Variants in SENP8 observed in about 807,000 individuals in gnomAD.
SENP8 encodes the protein sentrin-specific protease 8.
In SENP8, 10 loss-of-function variants were observed where a neutral mutation model predicts 14.4. The observed-to-expected ratio is 0.69, with a 90% confidence interval of 0.43 to 1.18. SENP8 has a LOEUF of 1.18. Ranked by LOEUF, SENP8 falls within the 50% of genes most tolerant of loss-of-function variation. The pLI, the probability that SENP8 is intolerant of heterozygous loss-of-function variation, is 0.00. For missense variants in SENP8, 202 were observed against 249.4 expected (o/e 0.81, Z 1.28); for synonymous variants, 94 against 95.5 (o/e 0.98, Z 0.09).
upstream of SENP8, chr15:72,117,988 C>T: frequency 2.5e-6 from 1 of 399,250 alleles, no homozygotes; most frequent in Non-Finnish European, 4.4e-6. Flanking sequence ...GCAACTACTG[C>T]CTCCGCCGCC....
chr15:72,133,115 G>A (rs1171115912), intron 1 of SENP8, among the ~76,000 whole-genome samples: 1 of 152,224 alleles, frequency 6.6e-6, no homozygotes, highest in Admixed American at 6.5e-5. Flanking sequence ...AGGTTGCAGT[G>A]AGCCAAGATT....
At position 72,139,988 on chromosome 15, in the gene SENP8, G is replaced by A. The variant is rs2081365411; in HGVS notation, c.365G>A (p.Ser122Asn). ...AGCTTTTTTCATTATGATTCCCATAGCAGGAGCAACTCAGTTCACGCAAAG... is the reference window on the plus strand; with the variant it reads ...AGCTTTTTTCATTATGATTCCCATAACAGGAGCAACTCAGTTCACGCAAAG... Reference protein sequence around the residue: ...KNSFFHYDSHSRSNSVHAKQV... With the variant: ...KNSFFHYDSHNRSNSVHAKQV... The change falls in exon 2 of 2, where the codon AGC (serine) becomes AAC (asparagine). Residue 122 changes from serine to asparagine, a missense_variant. Transcript: ENST00000340912. The A allele has an allele frequency of 6.2e-7, 1 of 1,614,086 alleles. No homozygotes were observed. Among genetic ancestry groups the A allele is most frequent in the Admixed American group, 1.7e-5 (1 of 60,002 alleles).
rs576496400 is a variant in SENP8 at position 72,134,792 on chromosome 15, G to A, written c.-47-4785G>A. 50 of 272,852 alleles carry A rather than the reference G, an allele frequency of 1.8e-4. 1 individual carries two copies. The Middle Eastern group carries it at 5.0e-3, about 27-fold the overall frequency. The allele number at this position is 272,852 out of a possible 1,614,324, so 16.9% of individuals were successfully genotyped here. On this transcript the variant is annotated intron_variant, in intron 1 of 1. Transcript: ENST00000340912. ...AAGGAAATGGATACTGTTCAAAAAG[G>A]AATGTCCCAGAAGTGTTACCATGGC...
intron 1 of SENP8, among the ~76,000 whole-genome samples, chr15:72,138,349 C>CT (rs370827895): frequency 0.2 from 27,585 of 135,612 alleles, 3,050 homozygotes; most frequent in East Asian, 0.41. Context: ...CTAGGTATAA[C>CT]TTTTTTTTTT....
Position 72,142,145 on chromosome 15 carries a change from A to AAAAT in SENP8, c.*1885_*1888dup, listed in dbSNP as rs965641810. On this transcript the variant is annotated 3_prime_UTR_variant, in exon 2 of 2. Coordinates refer to ENST00000340912, the MANE Select transcript of SENP8 (RefSeq NM_145204.4). Reference sequence around the variant, plus strand: ...CACTAGTCTTTTAAATATATATAGAAAAATATATATACACACGTATAGACA... The same window carrying AAAAT: ...CACTAGTCTTTTAAATATATATAGAAAAATAAATATATATACACACGTATAGACA... The AAAAT allele has an allele frequency of 1.3e-4, 20 of 152,278 alleles. No homozygotes were observed. Among genetic ancestry groups the AAAAT allele is most frequent in the Non-Finnish European group, 2.8e-4 (19 of 68,022 alleles). 9.4% of individuals were successfully genotyped at this position (152,278 alleles called of 1,614,324 possible).
intron 1 of SENP8, among the ~76,000 whole-genome samples, chr15:72,129,850 GAAA>G (rs952337176): frequency 1.4e-5 from 2 of 147,744 alleles, no homozygotes; most frequent in South Asian, 4.4e-4. Flanking sequence ...TAAAAAAAAA[GAAA>G]AAAAAAATCC....
rs1486675516 is a variant in SENP8, at chr15:72,139,979, AT to A, written c.358del (p.Ser120ProfsTer13). ...LQDKNSFFHY[D>X]SHSRSNSVHA... ...GATAAAAATAGCTTTTTTCATTATG[AT>A]TCCCATAGCAGGAGCAACTCAGTTC... On this transcript the variant is annotated frameshift_variant, in exon 2 of 2. Transcript: ENST00000340912. LOFTEE classifies it high-confidence loss of function. 1 of 1,614,214 alleles carries A rather than the reference AT, an allele frequency of 6.2e-7. No homozygotes were observed. Among genetic ancestry groups the A allele is most frequent in the Non-Finnish European group, 8.5e-7 (1 of 1,180,028 alleles).
In SENP8 at chr15:72,140,434, A is replaced by G. The variant is rs2081370919; in HGVS notation, c.*172A>G. On this transcript the variant is annotated 3_prime_UTR_variant, in exon 2 of 2. Transcript: ENST00000340912. The stretch of plus-strand genomic sequence containing the variant: ...TTATCCCCATGGAACGTTTCACTTT[A>G]ACCCTGACTGGGGAGCAATATGTTC... The G allele has an allele frequency of 1.6e-6, 1 of 607,184 alleles. No individual in the cohort carries two copies. Among genetic ancestry groups the G allele is most frequent in the South Asian group, 2.2e-5 (1 of 46,084 alleles). The allele number at this position is 607,184 out of a possible 1,614,324, so 37.6% of individuals were successfully genotyped here. A position where few individuals can be genotyped will look rare whatever the true frequency, so the allele number is the denominator to read the frequency against.
At chr15:72,134,089 C>T (rs2081303445) in intron 1 of SENP8, among the ~76,000 whole-genome samples, 1 of 152,270 alleles carries the variant, frequency 6.6e-6, no homozygotes. Context: ...GCTGGGACTA[C>T]AGGCACCCAC....
chr15:72,136,415 A>G (rs2081327879), intron 1 of SENP8, among the ~76,000 whole-genome samples: 1 of 152,160 alleles, frequency 6.6e-6, no homozygotes, highest in Non-Finnish European at 1.5e-5. Flanking sequence ...TCTTGGCTCC[A>G]GTTTATGTCT....
At chr15:72,121,632 C>T (rs1251214723) in intron 1 of SENP8, among the ~76,000 whole-genome samples, 1 of 151,976 alleles carries the variant, frequency 6.6e-6, no homozygotes, top group Non-Finnish European at 1.5e-5. Flanking sequence ...ACACGGGAGA[C>T]TGAAGCAGGA....
chr15:72,123,715 T>C (rs1476857843), intron 1 of SENP8, among the ~76,000 whole-genome samples: 1 of 152,118 alleles, frequency 6.6e-6, no homozygotes, highest in Non-Finnish European at 1.5e-5. Context: ...TAATTTTGTA[T>C]TTTTAGTAGA....
At chr15:72,119,578 C>T (rs1190684439) in intron 1 of SENP8, among the ~76,000 whole-genome samples, 1 of 152,168 alleles carries the variant, frequency 6.6e-6, no homozygotes, top group Non-Finnish European at 1.5e-5. Flanking sequence ...GAAACCTCGT[C>T]TCTACTAAAT....
At chr15:72,127,192 G>GCTTA (rs1382793741) in intron 1 of SENP8, among the ~76,000 whole-genome samples, 1 of 152,154 alleles carries the variant, frequency 6.6e-6, no homozygotes, top group East Asian at 1.9e-4. Flanking sequence ...TTTTCATAGA[G>GCTTA]CTTACATTCT....
intron 1 of SENP8, chr15:72,134,939 A>G (rs530365702): frequency 1.3e-4 from 39 of 297,912 alleles, no homozygotes; most frequent in African/African-American, 8.7e-4. Flanking sequence ...CTCTGAGAAC[A>G]GAGATAGCTT....
intron 1 of SENP8, among the ~76,000 whole-genome samples, chr15:72,132,636 C>T (rs910149467): frequency 3.3e-5 from 5 of 150,396 alleles, no homozygotes; most frequent in African/African-American, 1.2e-4. Context: ...CTGAAACCTT[C>T]AGACCATTTC....
At chr15:72,127,475 T>A (rs1481950210) in intron 1 of SENP8, among the ~76,000 whole-genome samples, 1 of 152,068 alleles carries the variant, frequency 6.6e-6, no homozygotes, top group East Asian at 1.9e-4. Context: ...TTGGTGTATT[T>A]GAGGAGTAAA....
At chr15:72,130,755 G>A (rs1161577209) in intron 1 of SENP8, among the ~76,000 whole-genome samples, 2 of 151,864 alleles carry the variant, frequency 1.3e-5, no homozygotes, top group Non-Finnish European at 2.9e-5. Context: ...TAGAGACAGG[G>A]TTTCTCCATG....
chr15:72,128,528 A>C (rs1200204980), intron 1 of SENP8, among the ~76,000 whole-genome samples: 1 of 152,210 alleles, frequency 6.6e-6, no homozygotes, highest in South Asian at 2.1e-4. Flanking sequence ...GTTCTGTGAG[A>C]TTCTCATATT....
Sources: allele counts gnomAD v4.1 joint callset (sites outside exome capture counted in the v4.1 genomes callset), GRCh38; gene constraint gnomAD v4.1.1; transcripts MANE v1.5; gene names NCBI Gene and HGNC (gene_info 2026-07-23, HGNC 2026-07-21).